STK3: variants seen among roughly 807,000 people sequenced by gnomAD.
STK3 encodes serine/threonine-protein kinase 3.
A neutral mutation model predicts 58.0 loss-of-function variants in STK3; 41 were observed. The observed-to-expected ratio is 0.71, with a 90% CI of 0.55 to 0.92. The LOEUF is 0.92. Ranked by LOEUF, STK3 falls within the 40% of genes least tolerant of loss-of-function variation. The pLI is 0.00. For synonymous variants in STK3, 170 were observed against 191.0 expected, an observed-to-expected ratio of 0.89 and a Z score of 0.91; for missense variants, 479 against 602.7, an observed-to-expected ratio of 0.79 and a Z score of 2.15.
intron 1 of STK3, 42 bp downstream of exon 1, chr8:98,825,473 C>T (rs1835198644): frequency 6.3e-6 from 9 of 1,438,750 alleles, no homozygotes; most frequent in Admixed American, 2.6e-5. Context: ...CCGCGGCCGC[C>T]GGCGCCGCTT....
At chr8:98,703,778 A>G (rs955604868) in intron 6 of STK3, among the ~76,000 whole-genome samples, 5 of 152,146 alleles carry the variant, frequency 3.3e-5, no homozygotes, top group African/African-American at 1.2e-4. Context: ...AGAGCACACT[A>G]CCATAGGAAG....
In STK3 at chr8:98,542,669, G is replaced by A. The variant is rs371010948; in HGVS notation, c.1141+5300C>T. Among the ~76,000 whole-genome samples the A allele has an allele frequency of 2.3e-4, 35 of 152,260 alleles. 1 individual carries two copies. The highest frequency in any genetic ancestry group is 3.4e-3 in the Middle Eastern group (1 of 294). On this transcript the variant is annotated intron_variant, in intron 9 of 10. Coordinates refer to ENST00000419617, the MANE Select transcript of STK3 (RefSeq NM_006281.4). The stretch of plus-strand genomic sequence containing the variant: ...GGGCTGACAATGCCCAGGGCTTCCC[G>A]GATGCTCCCTCTTATCAAGTTGTTG...
chr8:98,542,897 T>C (rs1810405183), intron 9 of STK3, among the ~76,000 whole-genome samples: 1 of 152,208 alleles, frequency 6.6e-6, no homozygotes, highest in African/African-American at 2.4e-5. Context: ...TCACATCCCA[T>C]GCTCTTCACT....
At chr8:98,805,986 C>T (rs1458997228) in intron 1 of STK3, among the ~76,000 whole-genome samples, 1 of 152,166 alleles carries the variant, frequency 6.6e-6, no homozygotes, top group Non-Finnish European at 1.5e-5. Flanking sequence ...GAACTAGTCC[C>T]ACTGTCTACT....
chr8:98,890,456 T>G (rs1242806936), intron 1 of STK3, among the ~76,000 whole-genome samples: 2 of 152,228 alleles, frequency 1.3e-5, no homozygotes, highest in Non-Finnish European at 2.9e-5. Context: ...TTATTTACTT[T>G]TTTATGTACC....
chr8:98,655,668 G>A (rs1358487915), intron 6 of STK3, among the ~76,000 whole-genome samples: 1 of 151,576 alleles, frequency 6.6e-6, no homozygotes, highest in Admixed American at 6.6e-5. Context: ...ATCAAAAAGT[G>A]GGCGAAGGAC....
intron 3 of STK3, among the ~76,000 whole-genome samples, chr8:98,858,038 G>C (rs963127538): frequency 6.6e-6 from 1 of 151,764 alleles, no homozygotes; most frequent in South Asian, 2.1e-4. Flanking sequence ...CCAATGGCTG[G>C]ATGTGCAAAT....
chr8:98,647,155 T>A (rs996295141), intron 6 of STK3, among the ~76,000 whole-genome samples: 1 of 152,160 alleles, frequency 6.6e-6, no homozygotes, highest in African/African-American at 2.4e-5. Context: ...GGGCTTTCCA[T>A]TGACCATTCC....
chr8:98,701,986 T>C (rs557902397), intron 6 of STK3, among the ~76,000 whole-genome samples: 10 of 152,358 alleles, frequency 6.6e-5, no homozygotes, highest in Admixed American at 2.6e-4. Context: ...ATCCCTCTCC[T>C]GTTTAAAAGC....
chr8:98,657,197 T>C (rs181465431), intron 6 of STK3, among the ~76,000 whole-genome samples: 8 of 152,228 alleles, frequency 5.3e-5, no homozygotes, highest in African/African-American at 1.9e-4. Flanking sequence ...TAATGGCCAT[T>C]CACCCATATA....
chr8:98,574,976 T>C (rs1408122473), intron 8 of STK3, among the ~76,000 whole-genome samples: 1 of 152,114 alleles, frequency 6.6e-6, no homozygotes, highest in Non-Finnish European at 1.5e-5. Context: ...CCCATAATGA[T>C]ATAATTTTAT....
At chr8:98,623,538 C>G (rs1175433764) in intron 6 of STK3, among the ~76,000 whole-genome samples, 1 of 152,156 alleles carries the variant, frequency 6.6e-6, no homozygotes, top group Non-Finnish European at 1.5e-5. Flanking sequence ...AATCCCAGCA[C>G]TTTGGGAGGC....
At chr8:98,861,955 G>A (rs1203822788) in intron 3 of STK3, among the ~76,000 whole-genome samples, 1 of 152,168 alleles carries the variant, frequency 6.6e-6, no homozygotes, top group African/African-American at 2.4e-5. Flanking sequence ...ATTTGTTACA[G>A]AGATTTAATT....
intron 6 of STK3, among the ~76,000 whole-genome samples, chr8:98,654,821 A>T (rs545342915): frequency 3.3e-5 from 5 of 152,264 alleles, no homozygotes; most frequent in African/African-American, 1.2e-4. Context: ...ACCACTGCTC[A>T]ATGAAATAAA....
intron 6 of STK3, chr8:98,606,291 C>CA (rs945919876): frequency 1.3e-4 from 20 of 151,276 alleles, no homozygotes; most frequent in African/African-American, 4.4e-4. Flanking sequence ...CTCCAGAACT[C>CA]AAAAAAAAGG....
chr8:98,711,222 G>C (rs1221372995), intron 4 of STK3, among the ~76,000 whole-genome samples: 1 of 152,098 alleles, frequency 6.6e-6, no homozygotes, highest in Non-Finnish European at 1.5e-5. Context: ...CTAAAAATAA[G>C]AGTGCCTCTC....
chr8:98,611,282 A>AAATT (rs1285789494), intron 6 of STK3, among the ~76,000 whole-genome samples: 3 of 152,212 alleles, frequency 2.0e-5, no homozygotes, highest in Non-Finnish European at 4.4e-5. Flanking sequence ...ATCAAAATTA[A>AAATT]CAACAAAAAA....
the STK3 span, among the ~76,000 whole-genome samples, chr8:98,352,214 C>T: frequency 6.7e-6 from 1 of 149,596 alleles, no homozygotes; most frequent in African/African-American, 2.5e-5. Flanking sequence ...AATCCCATAA[C>T]AAAAGATAGG....
chr8:98,894,536 G>C (rs1838380570), intron 1 of STK3, among the ~76,000 whole-genome samples: 1 of 152,156 alleles, frequency 6.6e-6, no homozygotes, highest in East Asian at 1.9e-4. Context: ...CCCTTAAAGT[G>C]CTCTGTTTGT....
Sources: gnomAD v4.1 joint callset for allele counts (sites outside exome capture counted in the v4.1 genomes callset) on GRCh38, gnomAD v4.1.1 for gene constraint, MANE v1.5 for transcripts, NCBI Gene and HGNC (gene_info 2026-07-23, HGNC 2026-07-21) for gene names.